The following GPATCH2 variants were observed in gnomAD, a reference collection of about 807,000 sequenced individuals.
The protein encoded by GPATCH2 is G patch domain-containing protein 2.
GPATCH2 carries 51 observed loss-of-function variants against 58.0 expected under a neutral mutation model. That is an observed-to-expected ratio of 0.88 (90% CI 0.70 to 1.11). The LOEUF is 1.11. Among genes scored for constraint, GPATCH2 ranks in the 50% most tolerant of loss-of-function variants. GPATCH2 has a pLI of 0.00. For missense variants in GPATCH2, 625 were observed against 652.2 expected (o/e 0.96, Z 0.45); for synonymous variants, 222 against 218.5 (o/e 1.02, Z -0.14).
At chr1:217,621,487 ATG>A (rs1669183212) in intron 1 of GPATCH2, among the ~76,000 whole-genome samples, 1 of 152,186 alleles carries the variant, frequency 6.6e-6, no homozygotes, top group Non-Finnish European at 1.5e-5. Context: ...GTAGGCTTTT[ATG>A]TAACTGGCCT....
At chr1:217,434,502 T>C (rs567814260) in intron 9 of GPATCH2, among the ~76,000 whole-genome samples, 1 of 152,336 alleles carries the variant, frequency 6.6e-6, no homozygotes, top group Non-Finnish European at 1.5e-5. Flanking sequence ...TGTTGTCTCA[T>C]ATCCCTGATT....
chr1:217,496,724 G>T (rs1189151578), intron 7 of GPATCH2, among the ~76,000 whole-genome samples: 1 of 152,150 alleles, frequency 6.6e-6, no homozygotes, highest in East Asian at 1.9e-4. Flanking sequence ...GTTATGTATT[G>T]ATCAGTTGAT....
At chr1:217,518,552 A>G (rs1218772858) in intron 5 of GPATCH2, among the ~76,000 whole-genome samples, 1 of 152,198 alleles carries the variant, frequency 6.6e-6, no homozygotes, top group Non-Finnish European at 1.5e-5. Flanking sequence ...CTATTCTTCC[A>G]CAATTACATA....
At chr1:217,512,593 G>T (rs949784017) in intron 6 of GPATCH2, among the ~76,000 whole-genome samples, 1 of 152,186 alleles carries the variant, frequency 6.6e-6, no homozygotes, top group African/African-American at 2.4e-5. Context: ...GCCTCAGGGC[G>T]AAGCCATTAA....
At chr1:217,523,822 C>T (rs1663625615) in intron 5 of GPATCH2, among the ~76,000 whole-genome samples, 1 of 148,942 alleles carries the variant, frequency 6.7e-6, no homozygotes. Flanking sequence ...CCACCTCCCT[C>T]CTGGACGGGG....
At chr1:217,461,259 A>T (rs1057274547) in intron 8 of GPATCH2, among the ~76,000 whole-genome samples, 1 of 152,180 alleles carries the variant, frequency 6.6e-6, no homozygotes, top group Non-Finnish European at 1.5e-5. Context: ...TTTAGGTTAA[A>T]CTATTGCTTA....
At chr1:217,438,882 G>C (rs1167643907) in intron 9 of GPATCH2, among the ~76,000 whole-genome samples, 1 of 152,116 alleles carries the variant, frequency 6.6e-6, no homozygotes, top group Non-Finnish European at 1.5e-5. Flanking sequence ...CAAGTTCTTA[G>C]AGACCTACAA....
intron 8 of GPATCH2, among the ~76,000 whole-genome samples, chr1:217,476,875 C>T (rs1302728622): frequency 6.6e-6 from 1 of 152,066 alleles, no homozygotes; most frequent in Non-Finnish European, 1.5e-5. Context: ...CGGGGGCATG[C>T]AACATACTGA....
intron 5 of GPATCH2, among the ~76,000 whole-genome samples, chr1:217,606,957 T>C (rs193216867): frequency 6.6e-6 from 1 of 152,272 alleles, no homozygotes; most frequent in East Asian, 1.9e-4. Context: ...AAGTAAGTAT[T>C]GTTGGTATTA....
chr1:217,610,206 GATT>G, intron 5 of GPATCH2, 112 bp downstream of exon 5: 1 of 1,590,728 alleles, frequency 6.3e-7, no homozygotes, highest in Non-Finnish European at 8.6e-7. Flanking sequence ...CAAAAAAATG[GATT>G]ATTTTTAAGT....
intron 8 of GPATCH2, among the ~76,000 whole-genome samples, chr1:217,481,148 C>A (rs1228415118): frequency 6.6e-6 from 1 of 152,108 alleles, no homozygotes; most frequent in Non-Finnish European, 1.5e-5. Flanking sequence ...TTTAAAATAA[C>A]AAGTCTAACT....
At chr1:217,471,773 GTTTC>G (rs1291243533) in intron 8 of GPATCH2, among the ~76,000 whole-genome samples, 3 of 151,984 alleles carry the variant, frequency 2.0e-5, no homozygotes, top group South Asian at 4.1e-4. Flanking sequence ...AGGAAAAAAA[GTTTC>G]TTTCTTCTCA....
At chr1:217,626,875 A>G (rs1669490265) in intron 1 of GPATCH2, among the ~76,000 whole-genome samples, 1 of 151,992 alleles carries the variant, frequency 6.6e-6, no homozygotes, top group African/African-American at 2.4e-5. Context: ...TCTCTTTTTG[A>G]AAAAGGTAGG....
At chr1:217,625,070 T>C (rs1669386198) in intron 1 of GPATCH2, among the ~76,000 whole-genome samples, 1 of 152,198 alleles carries the variant, frequency 6.6e-6, no homozygotes, top group South Asian at 2.1e-4. Flanking sequence ...AAATGTATGA[T>C]CAATCCAAGA....
intron 5 of GPATCH2, among the ~76,000 whole-genome samples, chr1:217,602,522 C>T (rs1452664076): frequency 1.3e-5 from 2 of 152,138 alleles, no homozygotes; most frequent in Non-Finnish European, 2.9e-5. Context: ...GATATAATCA[C>T]AGCTGAACTA....
intron 5 of GPATCH2, among the ~76,000 whole-genome samples, chr1:217,590,276 C>G (rs571882252): frequency 6.6e-6 from 1 of 152,266 alleles, no homozygotes; most frequent in East Asian, 1.9e-4. Context: ...CCCGCCTCAG[C>G]CTCCCAAAGC....
In GPATCH2 at chr1:217,441,087, G is replaced by A. The variant is rs558975185; in HGVS notation, c.1366+8162C>T. The stretch of plus-strand genomic sequence containing the variant: ...AAAAGAACAAAGCTGGAGGCATCAC[G>A]CTACCTGACTTCAAACTAGACTGCA... On this transcript the variant is annotated intron_variant, in intron 9 of 9. Coordinates refer to ENST00000366935, the MANE Select transcript of GPATCH2 (RefSeq NM_018040.5). Among the ~76,000 whole-genome samples the A allele has an allele frequency of 7.9e-5, 12 of 152,184 alleles. 1 individual carries two copies. The South Asian group carries it at 1.0e-3, about 13-fold the overall frequency.
intron 9 of GPATCH2, among the ~76,000 whole-genome samples, chr1:217,439,639 G>C (rs1256823760): frequency 1.3e-5 from 2 of 152,038 alleles, no homozygotes; most frequent in Admixed American, 6.6e-5. Context: ...AAGAAGAAAA[G>C]AGAAAAGAAT....
chr1:217,447,899 A>C (rs915612747), intron 9 of GPATCH2, among the ~76,000 whole-genome samples: 3 of 152,090 alleles, frequency 2.0e-5, no homozygotes, highest in Admixed American at 1.3e-4. Flanking sequence ...GGAGTTCAAG[A>C]CCAGCCTGGC....
Sources: gnomAD v4.1 joint callset for allele counts (sites outside exome capture counted in the v4.1 genomes callset) on GRCh38, gnomAD v4.1.1 for gene constraint, MANE v1.5 for transcripts, NCBI Gene and HGNC (gene_info 2026-07-23, HGNC 2026-07-21) for gene names.